Variants in ABCC8 observed in about 807,000 individuals in gnomAD.
ABCC8 encodes the protein ATP binding cassette subfamily C member 8.
ABCC8 carries 137 observed loss-of-function variants against 188.0 expected under a neutral mutation model. The observed-to-expected ratio is 0.73, with a 90% CI of 0.63 to 0.84. ABCC8 has a LOEUF of 0.84. Among genes scored for constraint, ABCC8 ranks in the 40% least tolerant of loss-of-function variants. ABCC8 has a pLI of 0.00. For synonymous variants in ABCC8, 797 were observed against 846.5 expected, an observed-to-expected ratio of 0.94 and a Z score of 1.01; for missense variants, 1,750 against 2,072.7, an observed-to-expected ratio of 0.84 and a Z score of 3.02.
At chr11:17,395,958 C>A in intron 33 of ABCC8, 28 bp from the exon 34 acceptor site, 2 of 1,555,842 alleles carry the variant, frequency 1.3e-6, no homozygotes, top group Non-Finnish European at 1.7e-6. Context: ...GGCACCGCCA[C>A]TGGGACTCTG....
intron 12 of ABCC8, chr11:17,429,987 C>A (rs144731483): frequency 6.6e-6 from 1 of 152,576 alleles, no homozygotes; most frequent in Non-Finnish European, 1.5e-5. Flanking sequence ...CCAGTACCTG[C>A]CAGGGTCCCA....
In ABCC8 at chr11:17,474,909, A is replaced by T. The variant is rs748024592; in HGVS notation, c.267T>A (p.Ile89=). 1 of 1,614,128 alleles carries T rather than the reference A, an allele frequency of 6.2e-7. No individual in the cohort carries two copies. The change falls in exon 2 of 39, where the codon ATT becomes ATA. Residue 89 remains isoleucine, a synonymous_variant. Transcript: ENST00000389817. ...ACCCATCAGACAGGATGCCCTCTGC[A>T]ATCTCACACACCAGGACGAAGAGCA... ...FMLLFVLVCE[I]AEGILSDGVT...
At chr11:17,420,559 G>A (rs1418245107) in intron 16 of ABCC8, among the ~76,000 whole-genome samples, 1 of 152,194 alleles carries the variant, frequency 6.6e-6, no homozygotes. Context: ...TGCGACCAGG[G>A]CCGTCCTGAG....
At chr11:17,446,292 A>G (rs904037318) in intron 8 of ABCC8, among the ~76,000 whole-genome samples, 1 of 152,092 alleles carries the variant, frequency 6.6e-6, no homozygotes, top group Non-Finnish European at 1.5e-5. Flanking sequence ...CTGCTTGTTC[A>G]AGGGGACACA....
chr11:17,431,166 G>A (rs954951761), intron 11 of ABCC8: 1 of 780,860 alleles, frequency 1.3e-6, no homozygotes, highest in African/African-American at 1.7e-5. Context: ...CTGGAGAGCA[G>A]GGGCTGCTCC....
chr11:17,417,250 A>G (rs943376116), intron 16 of ABCC8, among the ~76,000 whole-genome samples: 1 of 152,220 alleles, frequency 6.6e-6, no homozygotes, highest in East Asian at 1.9e-4. Context: ...TTATAGTTGG[A>G]AAACTAAATC....
At chr11:17,462,262 T>C (rs992678581) in intron 4 of ABCC8, among the ~76,000 whole-genome samples, 1 of 152,192 alleles carries the variant, frequency 6.6e-6, no homozygotes, top group Admixed American at 6.5e-5. Flanking sequence ...TTTCCTCATC[T>C]ATAAAGGGGA....
At position 17,395,588 on chromosome 11, in the gene ABCC8, C is replaced by T. The variant is rs897561544; in HGVS notation, c.4307+22G>A. On this transcript the variant is annotated intron_variant, in intron 35 of 38. Coordinates refer to ENST00000389817, the MANE Select transcript of ABCC8 (RefSeq NM_000352.6). ...CTGAGCCGGCCTGGGGCTGGGTGGG[C>T]CTGAGGGGTGGTGGGGCTCACCGGA... The T allele has an allele frequency of 9.1e-6, 14 of 1,545,662 alleles. No homozygotes were observed. In the African/African-American group the frequency reaches 1.6e-4, roughly 18 times the overall value.
chr11:17,439,479 G>A (rs1257276250), intron 10 of ABCC8, among the ~76,000 whole-genome samples: 1 of 152,116 alleles, frequency 6.6e-6, no homozygotes, highest in African/African-American at 2.4e-5. Flanking sequence ...CACGCCTAAT[G>A]ACCTGTGTCT....
chr11:17,395,027 C>A, intron 36 of ABCC8, 145 bp downstream of exon 36: 2 of 1,068,018 alleles, frequency 1.9e-6, no homozygotes, highest in Admixed American at 4.1e-5. Flanking sequence ...TCTGGGCCCC[C>A]GTATAGTGAG....
chr11:17,465,472 A>T (rs1207380393), intron 3 of ABCC8: 2 of 152,274 alleles, frequency 1.3e-5, no homozygotes, highest in Non-Finnish European at 2.9e-5. Context: ...GGGAATTAGC[A>T]GTGCACCCAG....
chr11:17,427,131 G>A lies in ABCC8; in HGVS notation c.2140C>T (p.Gln714Ter), dbSNP rs1320325015. ...AGCGAGGACTTGCCGCAGCCCACCT[G>A]CCCCACGATCATAGTCAGCTGGCCT... Reference protein sequence around the residue: ...PRGQLTMIVGQVGCGKSSLLL... With the variant: ...PRGQLTMIVG Residue 714 changes from glutamine (Q) to a stop codon, truncating the protein, a stop_gained, in exon 16 of 39, where the codon CAG becomes TAG. Coordinates refer to ENST00000389817, the MANE Select transcript of ABCC8 (RefSeq NM_000352.6). LOFTEE classifies it high-confidence loss of function. The surrounding 1 kb of genome is among the most constrained non-coding windows in gnomAD (Gnocchi z 5.0). 1 of 1,613,454 alleles carries A rather than the reference G, an allele frequency of 6.2e-7. No individual in the cohort carries two copies.
chr11:17,453,936 T>A (rs1164989833), intron 6 of ABCC8, among the ~76,000 whole-genome samples: 2 of 152,138 alleles, frequency 1.3e-5, no homozygotes, highest in East Asian at 3.9e-4. Flanking sequence ...AAAACAAACA[T>A]TTTAACTTTG....
intron 21 of ABCC8, among the ~76,000 whole-genome samples, chr11:17,411,666 T>C (rs1954810143): frequency 6.6e-6 from 1 of 152,146 alleles, no homozygotes; most frequent in African/African-American, 2.4e-5. Context: ...CCCTGATTAC[T>C]CCAGCCCTCA....
At chr11:17,434,223 T>G (rs1433409239) in intron 10 of ABCC8, among the ~76,000 whole-genome samples, 1 of 152,192 alleles carries the variant, frequency 6.6e-6, no homozygotes, top group Non-Finnish European at 1.5e-5. Flanking sequence ...AGGGGTCCTG[T>G]GCACCCATCC....
chr11:17,409,498 A>G (rs905891713), intron 22 of ABCC8, among the ~76,000 whole-genome samples: 8 of 152,188 alleles, frequency 5.3e-5, no homozygotes, highest in Admixed American at 2.0e-4. Context: ...CTGTATCTGT[A>G]TATATATTTA....
chr11:17,468,157 G>C (rs949888531), intron 3 of ABCC8, among the ~76,000 whole-genome samples: 1 of 152,162 alleles, frequency 6.6e-6, no homozygotes, highest in Non-Finnish European at 1.5e-5. Context: ...CCCTGGGCTA[G>C]GGGTAGGGGG....
intron 7 of ABCC8, among the ~76,000 whole-genome samples, chr11:17,449,081 C>T (rs1358040339): frequency 6.6e-6 from 1 of 152,172 alleles, no homozygotes; most frequent in Admixed American, 6.5e-5. Context: ...CACGTGCCTA[C>T]CATGCCCAGC....
intron 29 of ABCC8, chr11:17,399,163 T>A (rs1281155716): frequency 2.0e-5 from 3 of 151,000 alleles, no homozygotes; most frequent in Non-Finnish European, 4.4e-5. Flanking sequence ...TCCCAGCTAC[T>A]TGGGAGGCTG....
Sources: allele counts gnomAD v4.1 joint callset (sites outside exome capture counted in the v4.1 genomes callset), GRCh38; gene constraint gnomAD v4.1.1; non-coding constraint Gnocchi (gnomAD v3.1); transcripts MANE v1.5; gene names NCBI Gene and HGNC (gene_info 2026-07-23, HGNC 2026-07-21).